The following ARHGAP10 variants were observed in gnomAD, a reference collection of about 807,000 sequenced individuals.
ARHGAP10 encodes the protein Rho GTPase activating protein 10, also known as rho GTPase-activating protein 10.
ARHGAP10 carries 87 observed loss-of-function variants against 108.6 expected under a neutral mutation model. The observed-to-expected ratio is 0.80, with a 90% CI of 0.67 to 0.96. The LOEUF is 0.96. ARHGAP10 is among the 40% of genes least tolerant of loss of function. ARHGAP10 has a pLI of 0.00. For missense variants in ARHGAP10, 939 were observed against 954.5 expected (o/e 0.98, Z 0.21); for synonymous variants, 347 against 341.1 (o/e 1.02, Z -0.19).
chr4:148,065,473 AC>A (rs1729823478), intron 22 of ARHGAP10: 1 of 152,224 alleles, frequency 6.6e-6, no homozygotes, highest in African/African-American at 2.4e-5. Flanking sequence ...ACAAACAACA[AC>A]AACAAAACCC....
At chr4:147,851,729 AGGAATTACAACACT>A (rs1485082424) in intron 4 of ARHGAP10, among the ~76,000 whole-genome samples, 2 of 152,240 alleles carry the variant, frequency 1.3e-5, no homozygotes, top group Non-Finnish European at 2.9e-5. Flanking sequence ...AGATACAACT[AGGAATTACAACACT>A]GGCCAGCCTT....
intron 3 of ARHGAP10, among the ~76,000 whole-genome samples, chr4:147,843,211 A>G (rs1733489017): frequency 6.6e-6 from 1 of 152,190 alleles, no homozygotes; most frequent in South Asian, 2.1e-4. Context: ...CTCCCGTGTC[A>G]GAGATTTTGA....
intron 18 of ARHGAP10, among the ~76,000 whole-genome samples, chr4:147,969,302 G>C (rs1739317200): frequency 1.3e-5 from 2 of 148,924 alleles, no homozygotes; most frequent in African/African-American, 5.0e-5. Flanking sequence ...CTTGTTTATG[G>C]ATGTGAGAAG....
intron 1 of ARHGAP10, among the ~76,000 whole-genome samples, chr4:147,778,706 C>T (rs192958124): frequency 9.9e-5 from 15 of 152,238 alleles, no homozygotes; most frequent in Admixed American, 5.2e-4. Flanking sequence ...TCCTGGATGT[C>T]GCTCCTTTTT....
At chr4:147,760,908 G>A (rs560751162) in intron 1 of ARHGAP10, among the ~76,000 whole-genome samples, 1 of 152,218 alleles carries the variant, frequency 6.6e-6, no homozygotes, top group East Asian at 1.9e-4. Context: ...GGCAAACTAT[G>A]TGTATTGGAA....
At chr4:147,858,746 A>G (rs900219737) in intron 5 of ARHGAP10, among the ~76,000 whole-genome samples, 1 of 152,060 alleles carries the variant, frequency 6.6e-6, no homozygotes, top group African/African-American at 2.4e-5. Flanking sequence ...GGCCCCCTTT[A>G]TGCTAGCAGT....
intron 13 of ARHGAP10, among the ~76,000 whole-genome samples, chr4:147,925,893 A>T (rs1737443324): frequency 6.6e-6 from 1 of 152,202 alleles, no homozygotes; most frequent in African/African-American, 2.4e-5. Context: ...TGGTTGTGTT[A>T]TAGGAGGAAA....
At chr4:147,961,288 C>T (rs1214331587) in intron 16 of ARHGAP10, among the ~76,000 whole-genome samples, 1 of 152,124 alleles carries the variant, frequency 6.6e-6, no homozygotes, top group East Asian at 1.9e-4. Flanking sequence ...TTCTGTTTCA[C>T]CGATATAGGT....
Position 147,972,897 on chromosome 4 carries a change from G to A in ARHGAP10, c.1716+6058G>A, listed in dbSNP as rs544331799. On this transcript the variant is annotated intron_variant, in intron 18 of 22. Coordinates refer to ENST00000336498, the MANE Select transcript of ARHGAP10 (RefSeq NM_024605.4). ...AGCCTCCCAAGTAGCTGGGATTACA[G>A]GCATGTGCCACCATGCCTGGCTAAT... Among the ~76,000 whole-genome samples, 3 of 152,212 alleles carry A rather than the reference G, an allele frequency of 2.0e-5. No homozygotes were observed. In the South Asian group the frequency reaches 6.2e-4, roughly 32 times the overall value.
intron 18 of ARHGAP10, among the ~76,000 whole-genome samples, chr4:147,981,961 G>C (rs1475525638): frequency 2.0e-5 from 3 of 152,190 alleles, no homozygotes; most frequent in Non-Finnish European, 4.4e-5. Context: ...GTGATCATAT[G>C]TGAGATGGGT....
chr4:148,059,113 G>A (rs1729490541), intron 20 of ARHGAP10, among the ~76,000 whole-genome samples: 1 of 152,176 alleles, frequency 6.6e-6, no homozygotes, highest in Admixed American at 6.5e-5. Context: ...CCCTTTCTTT[G>A]AGAAAGAAGG....
chr4:147,821,458 A>G (rs1480461933), intron 1 of ARHGAP10, among the ~76,000 whole-genome samples: 1 of 152,208 alleles, frequency 6.6e-6, no homozygotes, highest in African/African-American at 2.4e-5. Flanking sequence ...TGTATGATCC[A>G]AAAGTTTTAC....
intron 3 of ARHGAP10, among the ~76,000 whole-genome samples, chr4:147,831,153 A>T (rs961146602): frequency 6.6e-6 from 1 of 152,212 alleles, no homozygotes; most frequent in Non-Finnish European, 1.5e-5. Flanking sequence ...GGTGCTAGTG[A>T]AATCTTGGCT....
At chr4:147,885,132 G>C (rs1382917035) in intron 10 of ARHGAP10, among the ~76,000 whole-genome samples, 3 of 151,850 alleles carry the variant, frequency 2.0e-5, no homozygotes, top group Non-Finnish European at 2.9e-5. Flanking sequence ...TCACTAAGGT[G>C]GGAAACAAAG....
rs746169461 is a variant in ARHGAP10, at chr4:147,946,604, G to A, written c.1304-13G>A. 5.0e-6 allele frequency: 8 copies of A among 1,605,980 alleles called. No homozygotes were observed. Among genetic ancestry groups the A allele is most frequent in the Non-Finnish European group, 4.2e-6 (5 of 1,176,904 alleles). Reference sequence around the variant, plus strand: ...GGTTTTAATTATTTTTTTCTTGTTTGCTTGCTCACTAGATGTAAAAACATG... The same window carrying A: ...GGTTTTAATTATTTTTTTCTTGTTTACTTGCTCACTAGATGTAAAAACATG... On this transcript the variant is annotated splice_polypyrimidine_tract_variant and intron_variant, in intron 14 of 22. Coordinates refer to ENST00000336498, the MANE Select transcript of ARHGAP10 (RefSeq NM_024605.4).
chr4:147,997,483 G>A (rs1331025140), intron 18 of ARHGAP10, among the ~76,000 whole-genome samples: 1 of 152,162 alleles, frequency 6.6e-6, no homozygotes, highest in East Asian at 1.9e-4. Context: ...GAAATGAGTA[G>A]AATCAAAAGT....
intron 1 of ARHGAP10, among the ~76,000 whole-genome samples, chr4:147,744,987 A>G (rs1728848327): frequency 6.6e-6 from 1 of 152,006 alleles, no homozygotes; most frequent in African/African-American, 2.4e-5. Context: ...TCCATCTTTT[A>G]AGGGGTAGGT....
At chr4:147,901,284 A>G (rs1407174509) in intron 10 of ARHGAP10, among the ~76,000 whole-genome samples, 1 of 152,234 alleles carries the variant, frequency 6.6e-6, no homozygotes, top group Non-Finnish European at 1.5e-5. Context: ...GAATCAGTAA[A>G]TAGAAAATGA....
chr4:148,002,750 A>G lies in ARHGAP10; in HGVS notation c.1717-20513A>G, dbSNP rs189849525. 8.4e-4 allele frequency among the ~76,000 whole-genome samples: 128 copies of G among 152,280 alleles called. 3 individuals carry two copies. The East Asian group carries it at 0.021, about 25-fold the overall frequency. ...TGGTAGTTTGTATTTCTGTGGGATC[A>G]GTGGTGATATCCTCTTTATCATTTT... On this transcript the variant is annotated intron_variant, in intron 18 of 22. Coordinates refer to ENST00000336498, the MANE Select transcript of ARHGAP10 (RefSeq NM_024605.4).
Sources: gnomAD v4.1 joint callset for allele counts (sites outside exome capture counted in the v4.1 genomes callset) on GRCh38, gnomAD v4.1.1 for gene constraint, MANE v1.5 for transcripts, NCBI Gene and HGNC (gene_info 2026-07-23, HGNC 2026-07-21) for gene names.